CTNNA2: variants seen among roughly 807,000 people sequenced by gnomAD.
The protein encoded by CTNNA2 is catenin alpha 2.
Under a neutral mutation model 101.0 loss-of-function variants are expected in CTNNA2, and 42 were observed. The ratio of observed to expected loss-of-function variants is 0.42; its 90% CI spans 0.32 to 0.54. The LOEUF is 0.54. Among genes scored for constraint, CTNNA2 ranks in the 20% least tolerant of loss-of-function variants. The probability of loss-of-function intolerance (pLI) is 0.14; values close to 1 mark genes in which losing one functional copy is unlikely to be tolerated. For synonymous variants in CTNNA2, 450 were observed against 456.4 expected, an observed-to-expected ratio of 0.99 and a Z score of 0.18; for missense variants, 871 against 1,223.1, an observed-to-expected ratio of 0.71 and a Z score of 4.29.
chr2:80,460,548 C>T lies in CTNNA2; in HGVS notation c.1290+40947C>T, dbSNP rs189794823. Among the ~76,000 whole-genome samples, 34 of 152,118 alleles carry T rather than the reference C, an allele frequency of 2.2e-4. No homozygotes were observed. The East Asian group carries it at 2.7e-3, about 12-fold the overall frequency. ...GCAAGGTATATTTCCCTCTTTCTCC[C>T]GCTTCTTCTTTCCCTCCCTATCACA... On this transcript the variant is annotated intron_variant, in intron 9 of 18. Coordinates refer to ENST00000402739, the MANE Select transcript of CTNNA2 (RefSeq NM_001282597.3).
intron 7 of CTNNA2, among the ~76,000 whole-genome samples, chr2:80,072,325 C>T (rs898754782): frequency 6.6e-6 from 1 of 152,034 alleles, no homozygotes; most frequent in Non-Finnish European, 1.5e-5. Flanking sequence ...CCCCCACCCC[C>T]AGTATGTCCG....
Position 80,533,001 on chromosome 2 carries a change from G to C in CTNNA2, c.1291-11981G>C, listed in dbSNP as rs150632375. 1.0e-3 allele frequency among the ~76,000 whole-genome samples: 155 copies of C among 152,202 alleles called. 1 individual carries two copies. Among genetic ancestry groups the C allele is most frequent in the African/African-American group, 3.5e-3 (146 of 41,536 alleles). On this transcript the variant is annotated intron_variant, in intron 9 of 18. Coordinates refer to ENST00000402739, the MANE Select transcript of CTNNA2 (RefSeq NM_001282597.3). Reference sequence around the variant, plus strand: ...AGCTACTGTTTACAAGGTCTTGAACGGGGAGCCATGGGAGCCACAAGGATG... The same window carrying C: ...AGCTACTGTTTACAAGGTCTTGAACCGGGAGCCATGGGAGCCACAAGGATG...
intron 4 of CTNNA2, among the ~76,000 whole-genome samples, chr2:79,436,637 C>CT (rs113274961): frequency 0.34 from 49,601 of 146,556 alleles, 8,282 homozygotes; most frequent in South Asian, 0.44. Flanking sequence ...ATTAAATATT[C>CT]TTTTTTTTTT....
At chr2:79,591,620 C>T (rs1676851353) in intron 1 of CTNNA2, among the ~76,000 whole-genome samples, 1 of 152,184 alleles carries the variant, frequency 6.6e-6, no homozygotes, top group Non-Finnish European at 1.5e-5. Context: ...CTGCTGCTGG[C>T]TGGTGCTCAG....
intron 9 of CTNNA2, among the ~76,000 whole-genome samples, chr2:80,512,338 C>A (rs569722945): frequency 6.6e-6 from 1 of 151,960 alleles, no homozygotes; most frequent in African/African-American, 2.4e-5. Flanking sequence ...GGCATGGAAC[C>A]TTATGTGCTG....
chr2:79,479,912 G>T (rs1039591107), intron 4 of CTNNA2, among the ~76,000 whole-genome samples: 5 of 151,654 alleles, frequency 3.3e-5, no homozygotes, highest in Non-Finnish European at 7.4e-5. Flanking sequence ...GACAAAGTGA[G>T]ACTCCATCTC....
intron 7 of CTNNA2, among the ~76,000 whole-genome samples, chr2:80,210,083 T>A (rs1333012754): frequency 2.0e-5 from 3 of 152,224 alleles, no homozygotes. Context: ...TGTTTTACAA[T>A]TTTTAAATAA....
intron 9 of CTNNA2, among the ~76,000 whole-genome samples, chr2:80,495,993 A>T (rs1172184888): frequency 1.3e-5 from 2 of 151,328 alleles, no homozygotes. Context: ...ACAGAGACAC[A>T]TAGGGAGAAG....
Position 79,489,672 on chromosome 2 carries a change from T to G in CTNNA2, c.-134-15382T>G, listed in dbSNP as rs899116989. On this transcript the variant is annotated intron_variant, in intron 4 of 21. Transcript: ENST00000466387. ...GAGGCAGACCCTGGCTCATTTTGCT[T>G]ATTCTATTGCATGAATGAAAAGAAA... is the stretch of plus-strand genomic sequence containing the variant. 2.0e-5 allele frequency among the ~76,000 whole-genome samples: 3 copies of G among 152,216 alleles called. 1 individual carries two copies. Among genetic ancestry groups the G allele is most frequent in the African/African-American group, 7.2e-5 (3 of 41,462 alleles).
intron 1 of CTNNA2, among the ~76,000 whole-genome samples, chr2:79,650,132 T>G (rs774751821): frequency 7.7e-6 from 1 of 130,438 alleles, no homozygotes; most frequent in Admixed American, 9.5e-5. Context: ...TAGCAATTTC[T>G]TGATGAAAGA....
rs538597044 is a variant in CTNNA2, at chr2:80,399,065, C to T, written c.1137+5774C>T. On this transcript the variant is annotated intron_variant, in intron 8 of 18. Coordinates refer to ENST00000402739, the MANE Select transcript of CTNNA2 (RefSeq NM_001282597.3). ...CTGGGATTACAAGCATGTGCCACCA[C>T]GCCTGGCTAATTTTTTTTTTTTTTT... is the stretch of plus-strand genomic sequence containing the variant. 5.2e-4 allele frequency among the ~76,000 whole-genome samples: 74 copies of T among 143,234 alleles called. 1 individual carries two copies. The highest frequency in any genetic ancestry group is 2.2e-3 in the Admixed American group (32 of 14,786). The allele number at this position is 143,234 out of a possible 152,430, so 94.0% of individuals were successfully genotyped here.
chr2:80,385,196 G>A (rs1053141865), intron 7 of CTNNA2, among the ~76,000 whole-genome samples: 1 of 152,154 alleles, frequency 6.6e-6, no homozygotes, highest in African/African-American at 2.4e-5. Flanking sequence ...CCAATGTGAT[G>A]GTATTTGGAG....
chr2:79,963,603 CT>C (rs1689817678), intron 7 of CTNNA2, among the ~76,000 whole-genome samples: 1 of 152,150 alleles, frequency 6.6e-6, no homozygotes, highest in African/African-American at 2.4e-5. Flanking sequence ...CTAATGGCCA[CT>C]GGGCAGAGCT....
chr2:80,273,589 A>T (rs1673666771), intron 7 of CTNNA2, among the ~76,000 whole-genome samples: 1 of 151,956 alleles, frequency 6.6e-6, no homozygotes, highest in South Asian at 2.1e-4. Flanking sequence ...ACTCCTCTCC[A>T]TTCTGCTTCT....
intron 4 of CTNNA2, among the ~76,000 whole-genome samples, chr2:79,398,698 G>A (rs953492986): frequency 1.3e-5 from 2 of 151,724 alleles, no homozygotes; most frequent in African/African-American, 2.4e-5. Flanking sequence ...TATTGGAATG[G>A]AAGAACAAAG....
intron 7 of CTNNA2, among the ~76,000 whole-genome samples, chr2:80,068,601 C>T (rs998736211): frequency 6.6e-6 from 1 of 152,140 alleles, no homozygotes; most frequent in African/African-American, 2.4e-5. Context: ...TGATTGGAGA[C>T]CATTGCCAAA....
intron 14 of CTNNA2, among the ~76,000 whole-genome samples, chr2:80,586,972 G>A (rs1428696521): frequency 6.6e-6 from 1 of 152,098 alleles, no homozygotes; most frequent in Non-Finnish European, 1.5e-5. Context: ...ACAGTGTGGC[G>A]AGCAGTGCTA....
chr2:79,966,281 G>A (rs965867962), intron 7 of CTNNA2, among the ~76,000 whole-genome samples: 1 of 152,064 alleles, frequency 6.6e-6, no homozygotes, highest in Non-Finnish European at 1.5e-5. Flanking sequence ...TATCACCCAG[G>A]CAGGAGTGCA....
chr2:80,086,571 T>A (rs912242418), intron 7 of CTNNA2, among the ~76,000 whole-genome samples: 2 of 152,030 alleles, frequency 1.3e-5, no homozygotes, highest in East Asian at 3.9e-4. Flanking sequence ...TTAGGAATCA[T>A]GGAATTGGGC....
Sources: allele counts gnomAD v4.1 joint callset (sites outside exome capture counted in the v4.1 genomes callset), GRCh38; gene constraint gnomAD v4.1.1; transcripts MANE v1.5; gene names NCBI Gene and HGNC (gene_info 2026-07-23, HGNC 2026-07-21).